Variants in GRIK2 observed in about 807,000 individuals in gnomAD.
The protein encoded by GRIK2 is glutamate receptor ionotropic, kainate 2.
Under a neutral mutation model 100.3 loss-of-function variants are expected in GRIK2, and 32 were observed. The observed-to-expected ratio is 0.32, with a 90% confidence interval of 0.24 to 0.43. The LOEUF (loss-of-function observed/expected upper bound fraction) is 0.43, where lower values mean the gene tolerates loss of function less well. GRIK2 is among the 20% of genes least tolerant of loss of function. GRIK2 has a pLI of 1.00. For missense variants in GRIK2, 843 were observed against 1,114.9 expected (o/e 0.76, Z 3.47); for synonymous variants, 417 against 389.4 (o/e 1.07, Z -0.83).
chr6:101,845,964 A>T (rs2128437401), intron 10 of GRIK2, among the ~76,000 whole-genome samples: 1 of 151,778 alleles, frequency 6.6e-6, no homozygotes, highest in South Asian at 2.1e-4. Flanking sequence ...TCTTCTTTGG[A>T]GAAATATCTA....
At position 101,718,928 on chromosome 6, in the gene GRIK2, A is replaced by G. The variant is rs1275014749; in HGVS notation, c.951+32575A>G. Among the ~76,000 whole-genome samples, 3 of 152,094 alleles carry G rather than the reference A, an allele frequency of 2.0e-5. No individual in the cohort carries two copies. The East Asian group carries it at 5.8e-4, about 30-fold the overall frequency. ...ACACAATTGTGTCTGTAAAGAAAATACAAATGGAGAAAAGTTTCTGCAATT... is the reference window on the plus strand; with the variant it reads ...ACACAATTGTGTCTGTAAAGAAAATGCAAATGGAGAAAAGTTTCTGCAATT... On this transcript the variant is annotated intron_variant, in intron 7 of 16. Transcript: ENST00000369134.
At chr6:101,949,497 T>C (rs1311286876) in intron 14 of GRIK2, among the ~76,000 whole-genome samples, 1 of 152,162 alleles carries the variant, frequency 6.6e-6, no homozygotes, top group African/African-American at 2.4e-5. Context: ...CTCCTAATGC[T>C]ATCCTTCCCC....
intron 12 of GRIK2, among the ~76,000 whole-genome samples, chr6:101,914,967 G>A (rs1789004630): frequency 6.6e-6 from 1 of 151,406 alleles, no homozygotes; most frequent in African/African-American, 2.4e-5. Context: ...ACATTATGAA[G>A]CCTTTTACAT....
intron 2 of GRIK2, among the ~76,000 whole-genome samples, chr6:101,582,265 C>T (rs1230392467): frequency 1.1e-4 from 16 of 151,980 alleles, no homozygotes; most frequent in Admixed American, 1.1e-3. Context: ...ATGTTCCCCT[C>T]CTTGTGTCCA....
Position 101,732,800 on chromosome 6 carries a change from T to G in GRIK2, c.951+46447T>G, listed in dbSNP as rs527521970. Reference sequence around the variant, plus strand: ...GAAGTCCACCAGCCTCTGCTTGATCTGCCCTATGCAGACTCATCCTCCCTA... The same window carrying G: ...GAAGTCCACCAGCCTCTGCTTGATCGGCCCTATGCAGACTCATCCTCCCTA... On this transcript the variant is annotated intron_variant, in intron 7 of 16. Transcript: ENST00000369134. Among the ~76,000 whole-genome samples the G allele has an allele frequency of 2.5e-4, 38 of 152,190 alleles. No individual in the cohort carries two copies. The East Asian group carries it at 4.1e-3, about 16-fold the overall frequency.
chr6:101,771,858 T>C (rs1272315364), intron 7 of GRIK2, among the ~76,000 whole-genome samples: 1 of 151,940 alleles, frequency 6.6e-6, no homozygotes, highest in African/African-American at 2.4e-5. Context: ...ACAAAGGACA[T>C]GAACTCATCA....
chr6:101,563,623 G>A (rs1441306709), intron 2 of GRIK2, among the ~76,000 whole-genome samples: 1 of 152,084 alleles, frequency 6.6e-6, no homozygotes, highest in Non-Finnish European at 1.5e-5. Flanking sequence ...TTTTAAGTGA[G>A]ATTTGATAAA....
intron 7 of GRIK2, among the ~76,000 whole-genome samples, chr6:101,794,611 A>G (rs1227883470): frequency 6.8e-6 from 1 of 147,316 alleles, no homozygotes. Context: ...TCTTTATGGA[A>G]CTTTTCATTA....
intron 2 of GRIK2, among the ~76,000 whole-genome samples, chr6:101,485,039 C>T (rs1412100599): frequency 6.6e-6 from 1 of 152,104 alleles, no homozygotes; most frequent in Non-Finnish European, 1.5e-5. Flanking sequence ...GCATCAAATA[C>T]CTTTGACTTT....
At chr6:101,645,642 A>G (rs964748925) in intron 4 of GRIK2, among the ~76,000 whole-genome samples, 1 of 151,924 alleles carries the variant, frequency 6.6e-6, no homozygotes, top group Non-Finnish European at 1.5e-5. Context: ...AGTGTATGCC[A>G]TTTGTCATTT....
At chr6:101,755,048 G>T (rs1448484196) in intron 7 of GRIK2, among the ~76,000 whole-genome samples, 1 of 151,980 alleles carries the variant, frequency 6.6e-6, no homozygotes, top group African/African-American at 2.4e-5. Flanking sequence ...GACACCAACA[G>T]GTTGATCCTG....
chr6:102,013,454 C>T (rs191147089), intron 14 of GRIK2, among the ~76,000 whole-genome samples: 20 of 151,954 alleles, frequency 1.3e-4, no homozygotes, highest in East Asian at 3.9e-4. Context: ...GCTCTTGTCA[C>T]GACTTTCAAT....
At chr6:101,880,221 C>A (rs1324499600) in intron 11 of GRIK2, among the ~76,000 whole-genome samples, 1 of 152,040 alleles carries the variant, frequency 6.6e-6, no homozygotes, top group African/African-American at 2.4e-5. Flanking sequence ...ATTAAATATA[C>A]CCTTCTTTGG....
At chr6:101,643,344 G>A (rs1011301426) in intron 4 of GRIK2, among the ~76,000 whole-genome samples, 3 of 151,234 alleles carry the variant, frequency 2.0e-5, no homozygotes, top group Non-Finnish European at 4.4e-5. Context: ...GGGTTGTATA[G>A]TTTTAGATCT....
intron 14 of GRIK2, among the ~76,000 whole-genome samples, chr6:101,992,579 G>T (rs1794435973): frequency 6.6e-6 from 1 of 151,544 alleles, no homozygotes; most frequent in Admixed American, 6.6e-5. Flanking sequence ...AGAGGATTTT[G>T]GTAAAGACGA....
intron 2 of GRIK2, among the ~76,000 whole-genome samples, chr6:101,597,783 A>G (rs1778993109): frequency 6.6e-6 from 1 of 151,810 alleles, no homozygotes; most frequent in Middle Eastern, 3.4e-3. Context: ...TGTTTTTAGT[A>G]GAAGAGTTGT....
At chr6:101,799,619 T>C (rs1780546175) in intron 7 of GRIK2, 29 bp from the exon 8 acceptor site, 10 of 1,591,950 alleles carry the variant, frequency 6.3e-6, no homozygotes, top group South Asian at 1.1e-5. Context: ...TTATATTGAC[T>C]ATAAATTTCC....
At chr6:101,675,482 G>C (rs970823007) in intron 4 of GRIK2, among the ~76,000 whole-genome samples, 1 of 152,264 alleles carries the variant, frequency 6.6e-6, no homozygotes, top group Middle Eastern at 3.4e-3. Flanking sequence ...AAGATAAGAA[G>C]AAAGAGTAGA....
rs968300066 is a variant in GRIK2, at chr6:101,617,033, C to T, written c.116-4916C>T. 5.3e-5 allele frequency among the ~76,000 whole-genome samples: 8 copies of T among 151,244 alleles called. No homozygotes were observed. The South Asian group carries it at 8.3e-4, about 16-fold the overall frequency. On this transcript the variant is annotated intron_variant, in intron 2 of 16. Transcript: ENST00000369134. ...TTCATATATTTTCATATTTGTCTTT[C>T]GTTATATTTGATGCATAGATGTTTT...
Sources: gnomAD v4.1 joint callset for allele counts (sites outside exome capture counted in the v4.1 genomes callset) on GRCh38, gnomAD v4.1.1 for gene constraint, MANE v1.5 for transcripts, NCBI Gene and HGNC (gene_info 2026-07-23, HGNC 2026-07-21) for gene names.